The following TNS3 variants were observed in gnomAD, a reference collection of about 807,000 sequenced individuals.
TNS3 encodes the protein tensin 3.
TNS3 carries 45 observed loss-of-function variants against 140.9 expected under a neutral mutation model. The observed-to-expected ratio is 0.32, with a 90% CI of 0.25 to 0.41. The LOEUF (loss-of-function observed/expected upper bound fraction) is 0.41. Among genes scored for constraint, TNS3 ranks in the 10% least tolerant of loss-of-function variants. The pLI is 1.00. For synonymous variants in TNS3, 815 were observed against 788.4 expected (o/e 1.03, Z -0.56); for missense variants, 1,716 against 1,906.7 (o/e 0.90, Z 1.86).
chr7:47,488,140 C>A (rs2941545), intron 3 of TNS3, among the ~76,000 whole-genome samples: 108,887 of 152,126 alleles, frequency 0.72, 39,461 homozygotes, highest in East Asian at 0.91. Flanking sequence ...GATCAATAAA[C>A]TAGCAAGATC....
chr7:47,495,238 G>A (rs894219236), intron 3 of TNS3, among the ~76,000 whole-genome samples: 30 of 150,846 alleles, frequency 2.0e-4, no homozygotes, highest in Admixed American at 1.9e-3. Context: ...CATGGAACGT[G>A]AAGCCATGTC....
chr7:47,526,718 A>G (rs1054668369), intron 2 of TNS3, among the ~76,000 whole-genome samples: 12 of 152,220 alleles, frequency 7.9e-5, no homozygotes, highest in African/African-American at 2.9e-4. Context: ...GAACAAGCCC[A>G]GGTGTCCCTG....
At chr7:47,353,314 C>G (rs1471957020) in intron 17 of TNS3, among the ~76,000 whole-genome samples, 2 of 152,162 alleles carry the variant, frequency 1.3e-5, no homozygotes, top group Non-Finnish European at 1.5e-5. Flanking sequence ...GAGGGGTGAA[C>G]AGGTGAGCCC....
At chr7:47,357,331 C>T in intron 17 of TNS3, among the ~76,000 whole-genome samples, 1 of 152,156 alleles carries the variant, frequency 6.6e-6, no homozygotes, top group East Asian at 1.9e-4. Context: ...AAACAAATAA[C>T]AGGCAAAGAC....
intron 4 of TNS3, among the ~76,000 whole-genome samples, chr7:47,469,016 T>A (rs1796836376): frequency 6.6e-6 from 1 of 152,206 alleles, no homozygotes. Flanking sequence ...TAAATAGTGC[T>A]GGGATAACTT....
At chr7:47,350,577 G>A (rs115396368) in intron 17 of TNS3, among the ~76,000 whole-genome samples, 148 of 152,328 alleles carry the variant, frequency 9.7e-4, no homozygotes, top group East Asian at 4.1e-3. Context: ...CCGGGCTGGC[G>A]GGAGCTGCTG....
intron 1 of TNS3, among the ~76,000 whole-genome samples, chr7:47,531,820 C>G (rs1799414760): frequency 6.6e-6 from 1 of 152,170 alleles, no homozygotes; most frequent in African/African-American, 2.4e-5. Flanking sequence ...CTGCAGCTGC[C>G]CAAACTGCAG....
chr7:47,542,013 G>A (rs13230971), intron 1 of TNS3, among the ~76,000 whole-genome samples: 1,829 of 152,000 alleles, frequency 0.012, 18 homozygotes, highest in Non-Finnish European at 0.022. Flanking sequence ...CTGGGAGCAG[G>A]TTATTAGGAA....
intron 4 of TNS3, among the ~76,000 whole-genome samples, chr7:47,478,749 ATG>A (rs1797294310): frequency 6.6e-6 from 1 of 152,106 alleles, no homozygotes; most frequent in South Asian, 2.1e-4. Context: ...GTATGTATTC[ATG>A]TGTTGACACA....
chr7:47,518,511 C>A (rs781622476), intron 2 of TNS3, among the ~76,000 whole-genome samples: 2 of 152,102 alleles, frequency 1.3e-5, no homozygotes, highest in South Asian at 4.1e-4. Context: ...TTTCTTTCCA[C>A]GTAATGATTT....
intron 4 of TNS3, among the ~76,000 whole-genome samples, chr7:47,462,558 A>G (rs1796532602): frequency 6.6e-6 from 1 of 152,220 alleles, no homozygotes; most frequent in Admixed American, 6.5e-5. Flanking sequence ...ACTACCACCA[A>G]TAATGAGAAT....
intron 1 of TNS3, among the ~76,000 whole-genome samples, chr7:47,563,480 A>G (rs1296881136): frequency 1.3e-5 from 2 of 152,142 alleles, no homozygotes; most frequent in Non-Finnish European, 2.9e-5. Flanking sequence ...CACTAGCAAG[A>G]CTGAGTGCCC....
At chr7:47,308,143 T>C (rs115480634) in intron 20 of TNS3, among the ~76,000 whole-genome samples, 3 of 152,222 alleles carry the variant, frequency 2.0e-5, no homozygotes, top group Non-Finnish European at 4.4e-5. Context: ...GGCATATATA[T>C]CAACAAAGTT....
intron 13 of TNS3, among the ~76,000 whole-genome samples, chr7:47,401,489 G>C (rs1793162721): frequency 6.6e-6 from 1 of 152,220 alleles, no homozygotes; most frequent in Admixed American, 6.5e-5. Context: ...GGGAGACAGA[G>C]AGGGTGTTGG....
intron 2 of TNS3, among the ~76,000 whole-genome samples, chr7:47,528,216 C>T (rs1041213211): frequency 2.0e-5 from 3 of 152,146 alleles, no homozygotes; most frequent in African/African-American, 7.2e-5. Context: ...ATCCTCAACC[C>T]ATTAAGGTTT....
At chr7:47,343,850 G>A (rs549569212) in intron 20 of TNS3, among the ~76,000 whole-genome samples, 80 of 152,322 alleles carry the variant, frequency 5.3e-4, no homozygotes, top group African/African-American at 1.8e-3. Flanking sequence ...AACCATAAAG[G>A]GAATTTTAGG....
At chr7:47,495,577 G>T (rs1032220348) in intron 3 of TNS3, among the ~76,000 whole-genome samples, 9 of 152,124 alleles carry the variant, frequency 5.9e-5, no homozygotes, top group Non-Finnish European at 1.3e-4. Flanking sequence ...TCAGGCTCTG[G>T]AAGACCTGAG....
chr7:47,442,800 G>T (rs1391917370), intron 4 of TNS3, among the ~76,000 whole-genome samples: 1 of 152,088 alleles, frequency 6.6e-6, no homozygotes, highest in Non-Finnish European at 1.5e-5. Flanking sequence ...CCCGAGTTGG[G>T]GGGACACAGA....
intron 16 of TNS3, among the ~76,000 whole-genome samples, chr7:47,383,512 G>A (rs547080411): frequency 1.6e-4 from 25 of 152,252 alleles, no homozygotes; most frequent in Non-Finnish European, 2.8e-4. Flanking sequence ...TCAATGCATC[G>A]TATACTTTAA....
Sources: gnomAD v4.1 joint callset for allele counts (sites outside exome capture counted in the v4.1 genomes callset) on GRCh38, gnomAD v4.1.1 for gene constraint, MANE v1.5 for transcripts, NCBI Gene and HGNC (gene_info 2026-07-23, HGNC 2026-07-21) for gene names.